CCDC192: variants seen among roughly 807,000 people sequenced by gnomAD.
The protein encoded by CCDC192 is coiled-coil domain containing 192.
chr5:127,780,718 T>C (rs1426700434), intron 3 of CCDC192, among the ~76,000 whole-genome samples: 1 of 152,220 alleles, frequency 6.6e-6, no homozygotes, highest in Non-Finnish European at 1.5e-5. Context: ...AGATTCTAGA[T>C]ATTAGTCCTT....
intron 6 of CCDC192, among the ~76,000 whole-genome samples, chr5:127,904,192 T>C (rs1753135361): frequency 6.6e-6 from 1 of 152,162 alleles, no homozygotes; most frequent in African/African-American, 2.4e-5. Context: ...GGACAGCCTC[T>C]GGAAAATGGG....
At chr5:127,920,907 A>C (rs1471066282) in intron 6 of CCDC192, among the ~76,000 whole-genome samples, 2 of 151,730 alleles carry the variant, frequency 1.3e-5, no homozygotes, top group Non-Finnish European at 2.9e-5. Context: ...CAAAAAGACA[A>C]AAATTAGCCA....
intron 5 of CCDC192, among the ~76,000 whole-genome samples, chr5:127,864,649 T>C (rs1751522093): frequency 6.6e-6 from 1 of 152,256 alleles, no homozygotes; most frequent in Non-Finnish European, 1.5e-5. Context: ...ATATGCAATA[T>C]GAAACTTACT....
At chr5:127,844,043 TA>T (rs1384493439) in intron 5 of CCDC192, among the ~76,000 whole-genome samples, 9 of 152,212 alleles carry the variant, frequency 5.9e-5, no homozygotes, top group African/African-American at 1.7e-4. Context: ...CCCATCCCTA[TA>T]AAAAACGTAA....
Position 127,905,751 on chromosome 5 carries a change from T to C in CCDC192, c.535+30090T>C, listed in dbSNP as rs1435035612. Among the ~76,000 whole-genome samples, 3 of 152,206 alleles carry C rather than the reference T, an allele frequency of 2.0e-5. No individual in the cohort carries two copies. The East Asian group carries it at 5.8e-4, about 29-fold the overall frequency. ...CAAAAGCATAGTCTATTTTAAGTAA[T>C]GGCTTAGTATTTTCCATTTAATCAT... On this transcript the variant is annotated intron_variant, in intron 6 of 6. Coordinates refer to ENST00000514853, the MANE Select transcript of CCDC192 (RefSeq NM_001317938.2).
At chr5:127,794,599 T>G (rs1279984113) in intron 3 of CCDC192, among the ~76,000 whole-genome samples, 1 of 152,210 alleles carries the variant, frequency 6.6e-6, no homozygotes. Context: ...ACTTTCTGGC[T>G]AAAGTATGAG....
chr5:127,786,391 C>T (rs955520874), intron 3 of CCDC192: 14 of 626,790 alleles, frequency 2.2e-5, no homozygotes, highest in African/African-American at 7.3e-5. Context: ...AATGTAGGGC[C>T]CTTTGCAAAT....
chr5:127,717,456 G>GATT (rs1327425169), intron 2 of CCDC192, among the ~76,000 whole-genome samples: 1 of 137,652 alleles, frequency 7.3e-6, no homozygotes, highest in Non-Finnish European at 1.6e-5. Context: ...GGCTCAAGCA[G>GATT]TGCATAGAAA....
intron 1 of CCDC192, among the ~76,000 whole-genome samples, chr5:127,706,260 G>A (rs1750952114): frequency 6.6e-6 from 1 of 152,126 alleles, no homozygotes; most frequent in Non-Finnish European, 1.5e-5. Flanking sequence ...AGGGCGCAGT[G>A]GCTCACGCCT....
At chr5:127,918,064 G>C (rs1157474647) in intron 6 of CCDC192, among the ~76,000 whole-genome samples, 1 of 152,038 alleles carries the variant, frequency 6.6e-6, no homozygotes, top group East Asian at 1.9e-4. Flanking sequence ...GAGTCCAGGA[G>C]GTCTAGGCTG....
At chr5:127,916,239 T>G (rs183410080) in intron 6 of CCDC192, among the ~76,000 whole-genome samples, 2 of 152,348 alleles carry the variant, frequency 1.3e-5, no homozygotes, top group East Asian at 3.9e-4. Context: ...GATACACATC[T>G]TTAGTCTCCA....
intron 5 of CCDC192, among the ~76,000 whole-genome samples, chr5:127,832,961 C>G (rs1463655028): frequency 1.3e-5 from 2 of 152,118 alleles, no homozygotes; most frequent in Non-Finnish European, 2.9e-5. Flanking sequence ...TCCTCTAAGC[C>G]AAAGAAAGGA....
chr5:127,888,785 CAGA>C (rs907823840), intron 6 of CCDC192, among the ~76,000 whole-genome samples: 10 of 152,078 alleles, frequency 6.6e-5, no homozygotes, highest in African/African-American at 1.9e-4. Flanking sequence ...TTAACTGTGG[CAGA>C]AGAAGACAGT....
At chr5:127,917,554 C>G (rs1370978473) in intron 6 of CCDC192, among the ~76,000 whole-genome samples, 1 of 152,016 alleles carries the variant, frequency 6.6e-6, no homozygotes, top group Non-Finnish European at 1.5e-5. Context: ...TATTAAATAG[C>G]CTAATTTTAA....
At chr5:127,748,647 AGGCATTG>A (rs1753931889) in intron 2 of CCDC192, among the ~76,000 whole-genome samples, 1 of 141,026 alleles carries the variant, frequency 7.1e-6, no homozygotes, top group Non-Finnish European at 1.6e-5. Context: ...CTGTGAAGAA[AGGCATTG>A]GTAGGTTGAT....
chr5:127,764,562 G>C (rs1338670847), intron 3 of CCDC192, among the ~76,000 whole-genome samples: 1 of 152,006 alleles, frequency 6.6e-6, no homozygotes, highest in Non-Finnish European at 1.5e-5. Context: ...TCCAAGTTTT[G>C]GATGATTTTA....
At chr5:127,828,707 A>G (rs1047663600) in intron 5 of CCDC192, among the ~76,000 whole-genome samples, 1 of 152,216 alleles carries the variant, frequency 6.6e-6, no homozygotes. Context: ...GAGGTCTCTC[A>G]GAAGAAATGA....
intron 3 of CCDC192, chr5:127,784,950 C>A: frequency 2.1e-6 from 1 of 471,972 alleles, no homozygotes; most frequent in Non-Finnish European, 4.2e-6. Context: ...AGGTATCTGT[C>A]TTCAATTCCA....
intron 5 of CCDC192, among the ~76,000 whole-genome samples, chr5:127,809,447 A>G (rs1302155236): frequency 2.0e-5 from 3 of 152,006 alleles, no homozygotes; most frequent in Non-Finnish European, 4.4e-5. Flanking sequence ...GTTGGGGGGG[A>G]TGCTACCATT....
Sources: gnomAD v4.1 joint callset for allele counts (sites outside exome capture counted in the v4.1 genomes callset) on GRCh38, gnomAD v4.1.1 for gene constraint, MANE v1.5 for transcripts, NCBI Gene and HGNC (gene_info 2026-07-23, HGNC 2026-07-21) for gene names.